Variants in NBAS observed in about 807,000 individuals in gnomAD.
NBAS encodes NBAS subunit of NRZ tethering complex.
In NBAS, 219 loss-of-function variants were observed where a neutral mutation model predicts 302.5. The ratio of observed to expected loss-of-function variants is 0.72; its 90% CI spans 0.65 to 0.81. NBAS has a LOEUF of 0.81. Among genes scored for constraint, NBAS ranks in the 30% least tolerant of loss-of-function variants. NBAS has a pLI of 0.00. For missense variants in NBAS, 2,932 were observed against 2,841.6 expected (o/e 1.03, Z -0.72); for synonymous variants, 1,118 against 1,021.6 (o/e 1.09, Z -1.80).
At chr2:15,251,965 G>C (rs1668384847) in intron 44 of NBAS, among the ~76,000 whole-genome samples, 1 of 152,198 alleles carries the variant, frequency 6.6e-6, no homozygotes, top group Non-Finnish European at 1.5e-5. Flanking sequence ...GTCTGTCAGA[G>C]AATGAGGAAG....
At chr2:15,479,182 C>A (rs917665890) in intron 12 of NBAS, among the ~76,000 whole-genome samples, 4 of 152,040 alleles carry the variant, frequency 2.6e-5, no homozygotes, top group African/African-American at 9.7e-5. Context: ...AGAGCAGACC[C>A]TGAGAACAGA....
chr2:14,833,978 C>T, the NBAS span, among the ~76,000 whole-genome samples: 1 of 152,118 alleles, frequency 6.6e-6, no homozygotes, highest in South Asian at 2.1e-4. Flanking sequence ...AAAGCCATTT[C>T]AGTGAATTAC....
chr2:14,951,096 A>G, the NBAS span, among the ~76,000 whole-genome samples: 2 of 152,192 alleles, frequency 1.3e-5, no homozygotes, highest in Non-Finnish European at 2.9e-5. Context: ...CTTGATTTCA[A>G]TTCTATTTCA....
chr2:15,195,426 A>G (rs1665571935), intron 48 of NBAS, among the ~76,000 whole-genome samples: 1 of 152,134 alleles, frequency 6.6e-6, no homozygotes. Flanking sequence ...ACACTCTGAA[A>G]TGGGGGAAAG....
At chr2:15,121,570 C>T in the NBAS span, among the ~76,000 whole-genome samples, 1 of 152,176 alleles carries the variant, frequency 6.6e-6, no homozygotes, top group Non-Finnish European at 1.5e-5. Flanking sequence ...AAAAAAATTA[C>T]ATCTTTATTT....
chr2:15,194,553 C>T (rs1365170369), intron 48 of NBAS, among the ~76,000 whole-genome samples: 1 of 152,068 alleles, frequency 6.6e-6, no homozygotes, highest in Non-Finnish European at 1.5e-5. Flanking sequence ...ACTGGCTAAA[C>T]AAAGTTCTTC....
At chr2:14,946,979 G>A in the NBAS span, among the ~76,000 whole-genome samples, 1 of 145,604 alleles carries the variant, frequency 6.9e-6, no homozygotes, top group African/African-American at 2.4e-5. Context: ...AAATAAAAAT[G>A]AAAATATAAC....
intron 32 of NBAS, among the ~76,000 whole-genome samples, chr2:15,360,648 C>T (rs62119535): frequency 1.2e-5 from 1 of 81,350 alleles, no homozygotes; most frequent in Admixed American, 1.3e-4. Flanking sequence ...CCATGACCAG[C>T]CTTTTTTTTT....
rs565713560 is a variant in NBAS, at chr2:15,285,151, A to G, written c.5138+1922T>C. ...TGTGCTTCAAAAATGACGTCCATGC[A>G]ATATTTATCACAGATCACACTATCT... On this transcript the variant is annotated intron_variant, in intron 42 of 51. Coordinates refer to ENST00000281513, the MANE Select transcript of NBAS (RefSeq NM_015909.4). Among the ~76,000 whole-genome samples, 4 of 152,362 alleles carry G rather than the reference A, an allele frequency of 2.6e-5. No individual in the cohort carries two copies. In the South Asian group the frequency reaches 8.3e-4, roughly 32 times the overall value.
chr2:15,548,605 T>C (rs1008469405), intron 6 of NBAS, among the ~76,000 whole-genome samples: 15 of 152,128 alleles, frequency 9.9e-5, no homozygotes, highest in African/African-American at 2.9e-4. Context: ...ATCGCACCAC[T>C]GCACTCCAGC....
At chr2:14,982,597 A>G in the NBAS span, among the ~76,000 whole-genome samples, 281 of 152,258 alleles carry the variant, frequency 1.8e-3, no homozygotes, top group African/African-American at 6.6e-3. Flanking sequence ...AAAAACATGA[A>G]TTTCATGAGT....
At chr2:14,867,211 G>T in the NBAS span, among the ~76,000 whole-genome samples, 1 of 152,160 alleles carries the variant, frequency 6.6e-6, no homozygotes, top group Non-Finnish European at 1.5e-5. Flanking sequence ...AGGTCCAGGA[G>T]TCAATAAAAT....
At chr2:15,363,578 C>T (rs1674046916) in intron 32 of NBAS, among the ~76,000 whole-genome samples, 1 of 152,038 alleles carries the variant, frequency 6.6e-6, no homozygotes, top group Admixed American at 6.6e-5. Flanking sequence ...CTATAAAATC[C>T]TCAGTAATTA....
the NBAS span, among the ~76,000 whole-genome samples, chr2:14,832,896 G>T: frequency 1.3e-5 from 2 of 152,152 alleles, no homozygotes; most frequent in African/African-American, 4.8e-5. Context: ...AGGCAAAATT[G>T]TTCCAGGTGA....
chr2:14,811,253 C>T, the NBAS span, among the ~76,000 whole-genome samples: 1 of 151,978 alleles, frequency 6.6e-6, no homozygotes, highest in Non-Finnish European at 1.5e-5. Flanking sequence ...ACTAACAAAA[C>T]AAATTAATTA....
the NBAS span, among the ~76,000 whole-genome samples, chr2:14,955,423 C>T: frequency 2.0e-5 from 3 of 152,192 alleles, no homozygotes; most frequent in African/African-American, 7.2e-5. Context: ...AGGATGGTGG[C>T]TTTCTTCTCA....
At chr2:15,032,664 T>G in the NBAS span, among the ~76,000 whole-genome samples, 1 of 152,192 alleles carries the variant, frequency 6.6e-6, no homozygotes, top group Non-Finnish European at 1.5e-5. Context: ...AGAAAACATG[T>G]TCAGAAGAGA....
the NBAS span, among the ~76,000 whole-genome samples, chr2:15,098,418 GTATAT>G: frequency 1.8e-5 from 1 of 56,680 alleles, no homozygotes; most frequent in African/African-American, 8.8e-5. Flanking sequence ...ATGATATATT[GTATAT>G]TATATATTAT....
intron 35 of NBAS, among the ~76,000 whole-genome samples, chr2:15,343,369 G>A (rs1672946025): frequency 2.0e-5 from 3 of 151,978 alleles, no homozygotes; most frequent in Non-Finnish European, 4.4e-5. Context: ...GAGGAAGGTG[G>A]GACAGAATGA....
Sources: allele counts gnomAD v4.1 joint callset (sites outside exome capture counted in the v4.1 genomes callset), GRCh38; gene constraint gnomAD v4.1.1; transcripts MANE v1.5; gene names NCBI Gene and HGNC (gene_info 2026-07-23, HGNC 2026-07-21).